The following TCERG1L variants were observed in gnomAD, a reference collection of about 807,000 sequenced individuals.
The protein encoded by TCERG1L is transcription elongation regulator 1-like protein.
In TCERG1L, 37 loss-of-function variants were observed where a neutral mutation model predicts 56.3. The ratio of observed to expected loss-of-function variants is 0.66; its 90% CI spans 0.51 to 0.87. TCERG1L has a LOEUF of 0.87. TCERG1L is among the 40% of genes least tolerant of loss of function. The pLI is 0.00. For missense variants in TCERG1L, 799 were observed against 774.2 expected (o/e 1.03, Z -0.38); for synonymous variants, 324 against 326.3 (o/e 0.99, Z 0.08).
At chr10:131,241,913 T>C (rs940901300) in intron 4 of TCERG1L, among the ~76,000 whole-genome samples, 1 of 151,978 alleles carries the variant, frequency 6.6e-6, no homozygotes, top group Admixed American at 6.6e-5. Flanking sequence ...ACAAGTCACC[T>C]GTACAGTAAC....
chr10:131,096,699 G>T (rs1382535958), intron 11 of TCERG1L, among the ~76,000 whole-genome samples: 1 of 152,132 alleles, frequency 6.6e-6, no homozygotes, highest in Admixed American at 6.5e-5. Flanking sequence ...AGGAGATCCA[G>T]ACCATCCTGG....
chr10:131,301,295 C>T (rs956693827), intron 3 of TCERG1L, among the ~76,000 whole-genome samples: 4 of 152,146 alleles, frequency 2.6e-5, no homozygotes, highest in East Asian at 1.9e-4. Context: ...CCTTCTTTCT[C>T]ACCTCCTCAA....
In TCERG1L at chr10:131,260,968, C is replaced by T. The variant is rs557518672; in HGVS notation, c.671-524G>A. Among the ~76,000 whole-genome samples, 1 of 151,582 alleles carries T rather than the reference C, an allele frequency of 6.6e-6. No individual in the cohort carries two copies. Among genetic ancestry groups the T allele is most frequent in the South Asian group, 2.1e-4 (1 of 4,774 alleles). On this transcript the variant is annotated intron_variant, in intron 3 of 11. Transcript: ENST00000368642. The surrounding 1 kb of genome is among the most constrained non-coding windows in gnomAD (Gnocchi z 5.8). ...AGAGGGCGGAGAGGTTTCCAGAGGG[C>T]ACCAGGCTCAGCCGGGCCCTGCAGG...
chr10:131,296,347 T>A (rs1846689985), intron 3 of TCERG1L, among the ~76,000 whole-genome samples: 1 of 152,272 alleles, frequency 6.6e-6, no homozygotes, highest in Non-Finnish European at 1.5e-5. Flanking sequence ...AGATGTTCAC[T>A]TGTTCCAAAA....
Position 131,116,820 on chromosome 10 carries a change from T to A in TCERG1L, c.1374A>T (p.Arg458=). The part of the protein sequence containing the change: ...LPLEERVTHF[R]DMLLERGVSA... ...TTACCCCTCTCTCCAGCAGCATGTC[T>A]CGGAAGTGGGTCACACGCTCCTCCA... The change falls in exon 9 of 12, where the codon CGA becomes CGT. Residue 458 remains arginine, a synonymous_variant. Coordinates refer to ENST00000368642, the MANE Select transcript of TCERG1L (RefSeq NM_174937.4). The A allele has an allele frequency of 6.4e-7, 1 of 1,569,006 alleles. No individual in the cohort carries two copies. The highest frequency in any genetic ancestry group is 8.6e-7 in the Non-Finnish European group (1 of 1,157,804).
intron 4 of TCERG1L, among the ~76,000 whole-genome samples, chr10:131,246,004 C>T (rs980170600): frequency 6.6e-6 from 1 of 152,104 alleles, no homozygotes; most frequent in Non-Finnish European, 1.5e-5. Flanking sequence ...CGAGAGCCCC[C>T]CAAGTGTCGG....
intron 4 of TCERG1L, among the ~76,000 whole-genome samples, chr10:131,250,566 C>T (rs1011230884): frequency 3.3e-5 from 5 of 152,086 alleles, no homozygotes; most frequent in African/African-American, 4.8e-5. Flanking sequence ...GGTTGTGAAC[C>T]GAGTCCTGGC....
At chr10:131,266,302 A>G (rs1846285295) in intron 3 of TCERG1L, among the ~76,000 whole-genome samples, 1 of 152,208 alleles carries the variant, frequency 6.6e-6, no homozygotes, top group Non-Finnish European at 1.5e-5. Context: ...ATCATTCATG[A>G]GAGTTGAAAT....
intron 8 of TCERG1L, among the ~76,000 whole-genome samples, chr10:131,125,596 C>T (rs768343140): frequency 4.6e-5 from 7 of 152,220 alleles, no homozygotes; most frequent in Non-Finnish European, 1.0e-4. Context: ...CTGTGCAGTG[C>T]AGAAACGTGC....
chr10:131,285,427 GAA>G (rs146610329), intron 3 of TCERG1L, among the ~76,000 whole-genome samples: 54,928 of 125,180 alleles, frequency 0.44, 14,310 homozygotes, highest in East Asian at 0.57. Flanking sequence ...GAGAGAGAGA[GAA>G]AGAGAGAAAG....
At chr10:131,266,960 G>C (rs1846293845) in intron 3 of TCERG1L, among the ~76,000 whole-genome samples, 1 of 152,124 alleles carries the variant, frequency 6.6e-6, no homozygotes, top group Non-Finnish European at 1.5e-5. Context: ...GGGTGGCCAT[G>C]AGAGGGCCTG....
In TCERG1L at chr10:131,095,252, TCAACCCCACCGGGCGGC is replaced by T. The variant is rs1222089178; in HGVS notation, c.1605-1951_1605-1935del. 1.1e-4 allele frequency: 15 copies of T among 139,202 alleles called. No individual in the cohort carries two copies. The South Asian group carries it at 2.0e-3, about 19-fold the overall frequency. 8.6% of individuals were successfully genotyped at this position (139,202 alleles called of 1,614,324 possible). A position where few individuals can be genotyped will look rare whatever the true frequency, so the allele number is the denominator to read the frequency against. ...ACCGGACGGCCAACCCCACCGGGCG[TCAACCCCACCGGGCGGC>T]CAACCCCACCTGGCTAGGACCCAGT... On this transcript the variant is annotated intron_variant, in intron 11 of 11. Transcript: ENST00000368642.
Position 131,260,497 on chromosome 10 carries a change from G to A in TCERG1L, c.671-53C>T, listed in dbSNP as rs532871219. On this transcript the variant is annotated intron_variant, in intron 3 of 11. Transcript: ENST00000368642. This position sits in a 1 kb window ranked among gnomAD's most constrained non-coding sequence, Gnocchi z 5.8. ...CAAGGGGACGACCAGGGCCATGGGT[G>A]ACAGATGCCCATCTCGCTACCGCAA... The A allele has an allele frequency of 3.0e-5, 40 of 1,342,684 alleles. No homozygotes were observed. The African/African-American group carries it at 5.5e-4, about 19-fold the overall frequency. The allele number at this position is 1,342,684 out of a possible 1,614,324, so 83.2% of individuals were successfully genotyped here.
intron 11 of TCERG1L, among the ~76,000 whole-genome samples, chr10:131,096,416 C>T (rs1589773205): frequency 1.3e-5 from 2 of 150,778 alleles, no homozygotes; most frequent in East Asian, 3.9e-4. Context: ...TACATTAGCA[C>T]TTGTGATGAA....
chr10:131,275,011 C>T (rs1846377938), intron 3 of TCERG1L, among the ~76,000 whole-genome samples: 1 of 152,146 alleles, frequency 6.6e-6, no homozygotes, highest in African/African-American at 2.4e-5. Flanking sequence ...GACTCCTGAT[C>T]CTGATCTCGG....
chr10:131,109,525 G>T (rs1414588102), intron 9 of TCERG1L, among the ~76,000 whole-genome samples: 1 of 152,210 alleles, frequency 6.6e-6, no homozygotes, highest in Non-Finnish European at 1.5e-5. Context: ...AGCCGCCTCA[G>T]TGGGAGAACA....
At chr10:131,195,004 T>C (rs2133466896) in intron 4 of TCERG1L, among the ~76,000 whole-genome samples, 1 of 152,322 alleles carries the variant, frequency 6.6e-6, no homozygotes, top group South Asian at 2.1e-4. Context: ...ACTGTTCCAT[T>C]TGCTGAGGTC....
At chr10:131,237,321 C>G (rs1218019282) in intron 4 of TCERG1L, among the ~76,000 whole-genome samples, 1 of 152,146 alleles carries the variant, frequency 6.6e-6, no homozygotes, top group African/African-American at 2.4e-5. Context: ...ACTTCCCATG[C>G]TGGTCACTTT....
intron 3 of TCERG1L, among the ~76,000 whole-genome samples, chr10:131,271,361 G>A (rs193048382): frequency 1.5e-3 from 227 of 152,258 alleles, no homozygotes; most frequent in Admixed American, 4.6e-3. Context: ...CTTCCTCTCT[G>A]GGCAAACCCT....
Sources: allele counts gnomAD v4.1 joint callset (sites outside exome capture counted in the v4.1 genomes callset), GRCh38; gene constraint gnomAD v4.1.1; non-coding constraint Gnocchi (gnomAD v3.1); transcripts MANE v1.5; gene names NCBI Gene and HGNC (gene_info 2026-07-23, HGNC 2026-07-21).